SNAPC3: variants seen among roughly 807,000 people sequenced by gnomAD.
SNAPC3 encodes the protein snRNA-activating protein complex subunit 3.
In SNAPC3, 56 loss-of-function variants were observed where a neutral mutation model predicts 47.7. The ratio of observed to expected loss-of-function variants is 1.18; its 90% CI spans 0.95 to 1.47. The LOEUF is 1.47. Among genes scored for constraint, SNAPC3 ranks in the 40% most tolerant of loss-of-function variants. The probability of loss-of-function intolerance (pLI) is 0.00; values close to 1 mark genes in which losing one functional copy is unlikely to be tolerated. For missense variants in SNAPC3, 665 were observed against 511.3 expected (o/e 1.30, Z -2.90); for synonymous variants, 235 against 189.9 (o/e 1.24, Z -1.95).
chr9:15,423,902 G>T lies in SNAPC3; in HGVS notation c.315-7G>T, dbSNP rs1484498482. 1 of 1,546,138 alleles carries T rather than the reference G, an allele frequency of 6.5e-7. No individual in the cohort carries two copies. Among genetic ancestry groups the T allele is most frequent in the African/African-American group, 1.4e-5 (1 of 71,550 alleles). On this transcript the variant is annotated splice_polypyrimidine_tract_variant and splice_region_variant and intron_variant, in intron 1 of 8. Coordinates refer to ENST00000380821, the MANE Select transcript of SNAPC3 (RefSeq NM_001039697.2). ...CCTTAAAGTATTGCTTTTCCTTTTT[G>T]TTTTAGCCTTGATAAACTGAAATGC...
rs904452499 is a variant in SNAPC3 at position 15,449,292 on chromosome 9, G to T, written c.733-2028G>T. 2.0e-5 allele frequency among the ~76,000 whole-genome samples: 3 copies of T among 151,920 alleles called. No individual in the cohort carries two copies. In the East Asian group the frequency reaches 5.8e-4, roughly 29 times the overall value. ...CAGTTTGAGTCAGATCTGGGAATCG[G>T]TCTTACCTTCAGGAAACCCTGGAGA... On this transcript the variant is annotated intron_variant, in intron 5 of 8. Coordinates refer to ENST00000380821, the MANE Select transcript of SNAPC3 (RefSeq NM_001039697.2).
chr9:15,427,665 T>G (rs1024047334), intron 2 of SNAPC3, among the ~76,000 whole-genome samples: 17 of 152,348 alleles, frequency 1.1e-4, no homozygotes, highest in African/African-American at 3.6e-4. Context: ...ACATTACTTT[T>G]AATACAATAG....
At chr9:15,464,954 T>C (rs1051172429), downstream of SNAPC3, 20 of 215,894 alleles carry the variant, frequency 9.3e-5, no homozygotes, top group Middle Eastern at 1.4e-3. Context: ...AGAGCACACA[T>C]TGTTCCAAAG....
chr9:15,450,112 A>G (rs2034280098), intron 5 of SNAPC3, among the ~76,000 whole-genome samples: 2 of 152,128 alleles, frequency 1.3e-5, no homozygotes, highest in Admixed American at 1.3e-4. Context: ...ATTAAGTGGC[A>G]GATTTTGTAT....
chr9:15,431,881 TGTC>T (rs142182484), intron 2 of SNAPC3: 1 of 139,972 alleles, frequency 7.1e-6, no homozygotes. Flanking sequence ...TATTAAAGCC[TGTC>T]TTTTTTTTTT....
downstream of SNAPC3, chr9:15,463,805 G>C (rs1563859785): frequency 6.6e-6 from 1 of 152,170 alleles, no homozygotes; most frequent in Non-Finnish European, 1.5e-5. Flanking sequence ...TGAGAATGAT[G>C]CTCTATCTCT....
chr9:15,427,751 G>A (rs1197929043), intron 2 of SNAPC3, among the ~76,000 whole-genome samples: 1 of 152,122 alleles, frequency 6.6e-6, no homozygotes, highest in African/African-American at 2.4e-5. Flanking sequence ...AGGATGTACT[G>A]TTTAAAGGTT....
At chr9:15,433,757 A>G in intron 3 of SNAPC3, 121 bp downstream of exon 3, 1 of 570,028 alleles carries the variant, frequency 1.8e-6, no homozygotes, top group East Asian at 3.0e-5. Context: ...AAAACAAACT[A>G]GAGAAACTCC....
chr9:15,431,884 C>CTTTTTTT (rs36102225), intron 2 of SNAPC3: 9 of 98,140 alleles, frequency 9.2e-5, no homozygotes, highest in African/African-American at 2.7e-4. Flanking sequence ...TAAAGCCTGT[C>CTTTTTTT]TTTTTTTTTT....
intron 3 of SNAPC3, among the ~76,000 whole-genome samples, chr9:15,439,070 C>T (rs1049562632): frequency 6.6e-5 from 10 of 151,732 alleles, no homozygotes; most frequent in Admixed American, 1.3e-4. Flanking sequence ...AGTGCGGTGG[C>T]GCCATCACTG....
In SNAPC3 at chr9:15,461,162, TTTAAAC is replaced by T. The variant is rs2035187626; in HGVS notation, c.*1300_*1305del. On this transcript the variant is annotated 3_prime_UTR_variant, in exon 9 of 9. Transcript: ENST00000380821. Reference sequence around the variant, plus strand: ...AGGAAAAAAAAAAAAACCAAAACTTTTTAAACTTATTTTTTGACATAGGGTCTTACT... The same window carrying T: ...AGGAAAAAAAAAAAAACCAAAACTTTTTATTTTTTGACATAGGGTCTTACT... 1.3e-5 allele frequency: 2 copies of T among 152,106 alleles called. No individual in the cohort carries two copies. Among genetic ancestry groups the T allele is most frequent in the African/African-American group, 4.8e-5 (2 of 41,522 alleles). The allele number at this position is 152,106 out of a possible 1,614,324, so 9.4% of individuals were successfully genotyped here.
chr9:15,425,732 T>G (rs1366423726), intron 2 of SNAPC3, among the ~76,000 whole-genome samples: 2 of 152,212 alleles, frequency 1.3e-5, no homozygotes, highest in Non-Finnish European at 2.9e-5. Flanking sequence ...GTTGATTGAT[T>G]AGTTGTATTT....
intron 3 of SNAPC3, among the ~76,000 whole-genome samples, chr9:15,444,263 A>G (rs542467615): frequency 1.3e-5 from 2 of 152,336 alleles, no homozygotes; most frequent in Non-Finnish European, 1.5e-5. Flanking sequence ...AATATTTGAT[A>G]AGGAATGTAA....
chr9:15,447,094 G>T lies in SNAPC3; in HGVS notation c.583-1G>T. On this transcript the variant is annotated splice_acceptor_variant, in intron 4 of 8. Transcript: ENST00000380821. LOFTEE classifies it high-confidence loss of function. ...ACACTTATTTATTCTTTGACTTTTAGCACAAAGAACACAAACCATACCAAA... is the reference window on the plus strand; with the variant it reads ...ACACTTATTTATTCTTTGACTTTTATCACAAAGAACACAAACCATACCAAA... The T allele has an allele frequency of 6.2e-7, 1 of 1,613,240 alleles. No individual in the cohort carries two copies.
At chr9:15,436,552 G>A (rs886152760) in intron 3 of SNAPC3, among the ~76,000 whole-genome samples, 46 of 152,130 alleles carry the variant, frequency 3.0e-4, no homozygotes, top group African/African-American at 8.7e-4. Context: ...TGGCTTTGTA[G>A]TAAATTTTGA....
intron 6 of SNAPC3, 81 bp downstream of exon 6, chr9:15,451,483 G>A: frequency 1.8e-6 from 1 of 565,826 alleles, no homozygotes. Context: ...TCCTATTATT[G>A]GCCTATTAAG....
rs1249024719 is a variant in SNAPC3, at chr9:15,423,122, G to A, written c.243G>A (p.Arg81=). Residue 81 remains arginine, a synonymous_variant, in exon 1 of 9, where the codon CGG becomes CGA. Transcript: ENST00000380821. ...GGAGCCAGGCAGCTGACTCCGACCG[G>A]GAGGATGCCGCGGTGGCCAGGGATC... ...LPGSQAADSD[R]EDAAVARDLD... is the part of the protein sequence containing the mutation. 2 of 1,556,720 alleles carry A rather than the reference G, an allele frequency of 1.3e-6. No individual in the cohort carries two copies. Among genetic ancestry groups the A allele is most frequent in the Non-Finnish European group, 1.7e-6 (2 of 1,162,732 alleles).
intron 5 of SNAPC3, among the ~76,000 whole-genome samples, chr9:15,448,096 C>T (rs2034084160): frequency 1.3e-5 from 2 of 152,188 alleles, no homozygotes; most frequent in Admixed American, 6.5e-5. Flanking sequence ...GGAGGGATAG[C>T]ATCTCCTAGA....
downstream of SNAPC3, chr9:15,461,799 G>C (rs1437800867): frequency 6.6e-6 from 1 of 152,186 alleles, no homozygotes; most frequent in Non-Finnish European, 1.5e-5. Flanking sequence ...ACAAGCACGA[G>C]TTTCTGGTAT....
Sources: allele counts gnomAD v4.1 joint callset (sites outside exome capture counted in the v4.1 genomes callset), GRCh38; gene constraint gnomAD v4.1.1; transcripts MANE v1.5; gene names NCBI Gene and HGNC (gene_info 2026-07-23, HGNC 2026-07-21).